The following COBL variants were observed in gnomAD, a reference collection of about 807,000 sequenced individuals.
The protein encoded by COBL is protein cordon-bleu.
COBL carries 51 observed loss-of-function variants against 98.8 expected under a neutral mutation model. The ratio of observed to expected loss-of-function variants is 0.52; its 90% CI spans 0.41 to 0.65. The LOEUF is 0.65. Among genes scored for constraint, COBL ranks in the 30% least tolerant of loss-of-function variants. The pLI is 0.00. For missense variants in COBL, 1,617 were observed against 1,617.5 expected (o/e 1.00, Z 0.01); for synonymous variants, 634 against 651.7 (o/e 0.97, Z 0.41).
intron 5 of COBL, chr7:51,156,169 T>C (rs546761499): frequency 3.8e-4 from 378 of 985,022 alleles, no homozygotes; most frequent in Non-Finnish European, 4.5e-4. Flanking sequence ...ATGTTGATTT[T>C]TGTAGTTCAA....
Position 51,154,071 on chromosome 7 carries a change from A to C in COBL, c.784-17740T>G, listed in dbSNP as rs138226914. Among the ~76,000 whole-genome samples, 108 of 152,278 alleles carry C rather than the reference A, an allele frequency of 7.1e-4. 1 individual carries two copies. Among genetic ancestry groups the C allele is most frequent in the Admixed American group, 4.6e-3 (71 of 15,300 alleles). On this transcript the variant is annotated intron_variant, in intron 5 of 12. Coordinates refer to ENST00000265136, the MANE Select transcript of COBL (RefSeq NM_015198.5). ...GAGTGCCTCCAACCTTGGCAGATGC[A>C]ACCTTCCAAGTACCCTGAGAGTCAC... is the stretch of plus-strand genomic sequence containing the variant.
intron 2 of COBL, among the ~76,000 whole-genome samples, chr7:51,218,252 G>A (rs755591317): frequency 6.6e-6 from 1 of 152,154 alleles, no homozygotes; most frequent in Non-Finnish European, 1.5e-5. Context: ...ACTGTCACCT[G>A]GAATTTTGAT....
In COBL at chr7:51,028,213, C is replaced by A. The variant is rs1787769310; in HGVS notation, c.2883G>T (p.Leu961Phe). ...RGEVIGPHRKLSTQDRPAAIH... is the reference protein window; with the variant it reads ...RGEVIGPHRKFSTQDRPAAIH... ...TAGCAGCAGGTCTGTCCTGAGTAGA[C>A]AACTTCCTGTGTGGGCCAATGACCT... Residue 961 changes from leucine (L) to phenylalanine (F), a missense_variant, in exon 10 of 13, where the codon TTG becomes TTT. Coordinates refer to ENST00000265136, the MANE Select transcript of COBL (RefSeq NM_015198.5). 1 of 1,614,184 alleles carries A rather than the reference C, an allele frequency of 6.2e-7. No homozygotes were observed. Among genetic ancestry groups the A allele is most frequent in the Non-Finnish European group, 8.5e-7 (1 of 1,180,008 alleles).
At chr7:51,071,167 G>C (rs1583681900) in intron 7 of COBL, 1 of 152,292 alleles carries the variant, frequency 6.6e-6, no homozygotes, top group East Asian at 1.9e-4. Context: ...TAGGGTGTAT[G>C]ACATGATGGA....
chr7:51,021,869 G>A (rs1248951275), intron 12 of COBL, among the ~76,000 whole-genome samples: 1 of 152,156 alleles, frequency 6.6e-6, no homozygotes. Flanking sequence ...CAACACAAAT[G>A]AGTAGACAGG....
At chr7:51,156,679 G>A in intron 5 of COBL, 1 of 664,436 alleles carries the variant, frequency 1.5e-6, no homozygotes, top group African/African-American at 2.2e-5. Context: ...CCAATGTACA[G>A]TCAATAAAAA....
intron 7 of COBL, among the ~76,000 whole-genome samples, chr7:51,055,002 G>C (rs1006250020): frequency 9.9e-5 from 15 of 152,190 alleles, no homozygotes; most frequent in Non-Finnish European, 2.1e-4. Flanking sequence ...GGGACAGATG[G>C]GGAGCCAGGA....
intron 5 of COBL, among the ~76,000 whole-genome samples, chr7:51,169,014 A>C (rs1787599480): frequency 6.6e-6 from 1 of 152,180 alleles, no homozygotes; most frequent in African/African-American, 2.4e-5. Context: ...CCATGACAGA[A>C]GAGGGGGTTG....
chr7:51,294,932 G>C (rs1042345624), intron 1 of COBL, among the ~76,000 whole-genome samples: 3 of 151,972 alleles, frequency 2.0e-5, no homozygotes, highest in Non-Finnish European at 2.9e-5. Flanking sequence ...GGCCTGTTGC[G>C]GGGTAGGGGC....
intron 7 of COBL, among the ~76,000 whole-genome samples, chr7:51,069,078 C>G (rs1439149477): frequency 6.6e-6 from 1 of 152,178 alleles, no homozygotes; most frequent in Non-Finnish European, 1.5e-5. Context: ...ATGGAGCCAG[C>G]AGACATGAAA....
At chr7:51,243,435 T>C (rs1288384137) in intron 1 of COBL, among the ~76,000 whole-genome samples, 1 of 152,222 alleles carries the variant, frequency 6.6e-6, no homozygotes, top group East Asian at 1.9e-4. Flanking sequence ...CGGGATCTAT[T>C]GGAAATTTAA....
intron 1 of COBL, among the ~76,000 whole-genome samples, chr7:51,257,731 T>C (rs1457103017): frequency 6.6e-6 from 1 of 152,122 alleles, no homozygotes; most frequent in Non-Finnish European, 1.5e-5. Context: ...ATATTGCTAA[T>C]ATTTGGCATT....
At chr7:51,238,129 C>T (rs116133941) in intron 1 of COBL, among the ~76,000 whole-genome samples, 163 of 152,368 alleles carry the variant, frequency 1.1e-3, no homozygotes, top group African/African-American at 3.7e-3. Context: ...TGGGACCAAG[C>T]GGCTTTGGGG....
chr7:51,171,885 A>G (rs1787906190), intron 5 of COBL, among the ~76,000 whole-genome samples: 1 of 152,246 alleles, frequency 6.6e-6, no homozygotes. Flanking sequence ...TTACTGATAC[A>G]GAAGAGTCTT....
At chr7:51,159,807 T>A (rs1786603642) in intron 5 of COBL, among the ~76,000 whole-genome samples, 1 of 152,066 alleles carries the variant, frequency 6.6e-6, no homozygotes, top group South Asian at 2.1e-4. Flanking sequence ...GGGAAAAAAA[T>A]TCATCAAAGC....
rs1562893170 is a variant in COBL at position 51,087,166 on chromosome 7, AGACT to A, written c.958-1866_958-1863del. On this transcript the variant is annotated intron_variant, in intron 6 of 12. Coordinates refer to ENST00000265136, the MANE Select transcript of COBL (RefSeq NM_015198.5). ...GACATACACACACACACACACGCAC[AGACT>A]CATACTTTTCCTCTCCATTTTCCAA... Among the ~76,000 whole-genome samples the A allele has an allele frequency of 7.1e-3, 1,081 of 152,108 alleles. 13 individuals carry two copies. The highest frequency in any genetic ancestry group is 0.025 in the African/African-American group (1,049 of 41,490).
At chr7:51,081,429 T>G (rs533455016) in intron 7 of COBL, among the ~76,000 whole-genome samples, 14 of 152,340 alleles carry the variant, frequency 9.2e-5, no homozygotes, top group Non-Finnish European at 1.5e-4. Flanking sequence ...CACTTCGCTC[T>G]CCTTCCGGCT....
intron 1 of COBL, among the ~76,000 whole-genome samples, chr7:51,221,332 A>G (rs566730823): frequency 6.6e-6 from 1 of 152,318 alleles, no homozygotes; most frequent in African/African-American, 2.4e-5. Flanking sequence ...AATTTACTCT[A>G]AACAATCCCA....
At chr7:51,080,231 TCTC>T (rs1793505034) in intron 7 of COBL, among the ~76,000 whole-genome samples, 1 of 152,234 alleles carries the variant, frequency 6.6e-6, no homozygotes, top group African/African-American at 2.4e-5. Context: ...ATTTATGTCT[TCTC>T]CTCACCCTCT....
Sources: allele counts gnomAD v4.1 joint callset (sites outside exome capture counted in the v4.1 genomes callset), GRCh38; gene constraint gnomAD v4.1.1; transcripts MANE v1.5; gene names NCBI Gene and HGNC (gene_info 2026-07-23, HGNC 2026-07-21).